EGFLAM: variants seen among roughly 807,000 people sequenced by gnomAD.
EGFLAM encodes the protein EGF like, fibronectin type III and laminin G domains.
In EGFLAM, 79 loss-of-function variants were observed where a neutral mutation model predicts 113.1. The ratio of observed to expected loss-of-function variants is 0.70; its 90% CI spans 0.58 to 0.84. EGFLAM has a LOEUF of 0.84. Ranked by LOEUF, EGFLAM falls within the 40% of genes least tolerant of loss-of-function variation. The probability of loss-of-function intolerance (pLI) is 0.00; values close to 1 mark genes in which losing one functional copy is unlikely to be tolerated. For missense variants in EGFLAM, 1,265 were observed against 1,291.6 expected (o/e 0.98, Z 0.32); for synonymous variants, 504 against 487.6 (o/e 1.03, Z -0.44).
chr5:38,406,923 C>T lies in EGFLAM; in HGVS notation c.924C>T (p.Leu308=). The T allele has an allele frequency of 6.2e-7, 1 of 1,614,198 alleles. No homozygotes were observed. Among genetic ancestry groups the T allele is most frequent in the Middle Eastern group, 1.6e-4 (1 of 6,062 alleles). The change falls in exon 8 of 22, where the codon CTC becomes CTT. Residue 308 remains leucine, a synonymous_variant. Coordinates refer to ENST00000322350, the MANE Select transcript of EGFLAM (RefSeq NM_152403.4). ...CTAACCCAAAGACCATTTCTAGGCT[C>T]ATCCCCCCTACCTCAGCATCTCTCC... is the stretch of plus-strand genomic sequence containing the variant. ...SISNPKTISR[L]IPPTSASLPV...
intron 14 of EGFLAM, 146 bp from the exon 15 acceptor site, chr5:38,431,031 T>TA (rs1467691216): frequency 2.9e-6 from 2 of 700,914 alleles, no homozygotes; most frequent in Admixed American, 5.2e-5. Context: ...GGGCAGATCT[T>TA]TACTAAGTTT....
chr5:38,330,294 G>A (rs1430572474), intron 1 of EGFLAM, among the ~76,000 whole-genome samples: 1 of 152,134 alleles, frequency 6.6e-6, no homozygotes, highest in Non-Finnish European at 1.5e-5. Flanking sequence ...TGAGGTGGAG[G>A]CCATTTTCCT....
chr5:38,371,739 C>T (rs182688614), intron 6 of EGFLAM, among the ~76,000 whole-genome samples: 40 of 152,298 alleles, frequency 2.6e-4, no homozygotes, highest in African/African-American at 7.9e-4. Flanking sequence ...GAAGCTTAAA[C>T]TTCCCAGACA....
chr5:38,412,193 G>A (rs1217023287), intron 10 of EGFLAM, among the ~76,000 whole-genome samples: 2 of 152,184 alleles, frequency 1.3e-5, no homozygotes, highest in South Asian at 2.1e-4. Context: ...TACAGATCCC[G>A]TCATGCAGGT....
intron 6 of EGFLAM, among the ~76,000 whole-genome samples, chr5:38,405,403 G>A (rs527332967): frequency 6.6e-6 from 1 of 151,736 alleles, no homozygotes; most frequent in Admixed American, 6.6e-5. Context: ...TGTTTTGTTT[G>A]CTGTTGTCTT....
At chr5:38,307,477 A>T (rs181737859) in intron 1 of EGFLAM, among the ~76,000 whole-genome samples, 3 of 152,322 alleles carry the variant, frequency 2.0e-5, no homozygotes, top group Admixed American at 2.0e-4. Context: ...GTGAAGAAGG[A>T]CATGTTTCCT....
At chr5:38,335,917 G>C (rs1299638895) in intron 1 of EGFLAM, among the ~76,000 whole-genome samples, 1 of 152,140 alleles carries the variant, frequency 6.6e-6, no homozygotes, top group African/African-American at 2.4e-5. Flanking sequence ...ATCTCACCAG[G>C]ACATATTAGT....
At chr5:38,359,450 A>T (rs907617084) in intron 5 of EGFLAM, among the ~76,000 whole-genome samples, 28 of 152,268 alleles carry the variant, frequency 1.8e-4, no homozygotes, top group African/African-American at 6.3e-4. Context: ...CCAAAGAGGC[A>T]GATAACTTGA....
intron 20 of EGFLAM, among the ~76,000 whole-genome samples, chr5:38,462,002 A>G (rs1172063190): frequency 3.3e-5 from 5 of 151,530 alleles, no homozygotes; most frequent in Non-Finnish European, 7.4e-5. Flanking sequence ...CGTCTCTACT[A>G]AAAAAAATAC....
At chr5:38,317,577 C>T (rs1176208814) in intron 1 of EGFLAM, among the ~76,000 whole-genome samples, 1 of 152,160 alleles carries the variant, frequency 6.6e-6, no homozygotes, top group Admixed American at 6.5e-5. Context: ...TATCCCAGAA[C>T]CATGAGTCTA....
intron 1 of EGFLAM, among the ~76,000 whole-genome samples, chr5:38,263,975 T>C (rs1188191858): frequency 6.6e-6 from 1 of 152,188 alleles, no homozygotes; most frequent in Non-Finnish European, 1.5e-5. Flanking sequence ...GACCTCCTCA[T>C]TCCTATGCAG....
chr5:38,263,375 T>G (rs1308816523), intron 1 of EGFLAM, among the ~76,000 whole-genome samples: 1 of 152,128 alleles, frequency 6.6e-6, no homozygotes, highest in Admixed American at 6.5e-5. Context: ...GGCACGAGAA[T>G]CACTTTACCC....
rs185449265 is a variant in EGFLAM at position 38,410,110 on chromosome 5, C to T, written c.1349+1006C>T. On this transcript the variant is annotated intron_variant, in intron 10 of 21. Coordinates refer to ENST00000322350, the MANE Select transcript of EGFLAM (RefSeq NM_152403.4). ...AGTTAATTCATAAAAGCGCTTAGAG[C>T]AGCGTCTGACCCAGAGCAAGTACTC... Among the ~76,000 whole-genome samples, 4 of 152,328 alleles carry T rather than the reference C, an allele frequency of 2.6e-5. No homozygotes were observed. In the East Asian group the frequency reaches 7.7e-4, roughly 29 times the overall value.
chr5:38,461,096 T>A (rs1743255934), intron 20 of EGFLAM: 1 of 152,200 alleles, frequency 6.6e-6, no homozygotes, highest in Admixed American at 6.5e-5. Context: ...TAGAGCAAGA[T>A]GTGTATCAGG....
At chr5:38,285,484 G>C (rs1395564112) in intron 1 of EGFLAM, among the ~76,000 whole-genome samples, 3 of 152,106 alleles carry the variant, frequency 2.0e-5, no homozygotes, top group Non-Finnish European at 4.4e-5. Flanking sequence ...GTGGGTGGGG[G>C]AGGTGATGCA....
intron 19 of EGFLAM, among the ~76,000 whole-genome samples, chr5:38,457,400 G>A (rs1474303068): frequency 2.6e-5 from 4 of 152,210 alleles, no homozygotes; most frequent in South Asian, 2.1e-4. Flanking sequence ...AGGGAGAATC[G>A]GCTCCATGCC....
Position 38,426,927 on chromosome 5 carries a change from G to A in EGFLAM, c.1811-82G>A. ...AATTGTAGTTTAGGTCTGTACCCAGGAGGGAAAGAACACAGCTATGGGTGC... is the reference window on the plus strand; with the variant it reads ...AATTGTAGTTTAGGTCTGTACCCAGAAGGGAAAGAACACAGCTATGGGTGC... On this transcript the variant is annotated intron_variant, in intron 13 of 21. Coordinates refer to ENST00000322350, the MANE Select transcript of EGFLAM (RefSeq NM_152403.4). 11 of 1,560,848 alleles carry A rather than the reference G, an allele frequency of 7.0e-6. No homozygotes were observed. In the South Asian group the frequency reaches 1.2e-4, roughly 17 times the overall value.
intron 15 of EGFLAM, among the ~76,000 whole-genome samples, chr5:38,433,149 G>A: frequency 6.6e-6 from 1 of 152,214 alleles, no homozygotes; most frequent in South Asian, 2.1e-4. Flanking sequence ...TCGAAGTGTG[G>A]CTGACAGGGC....
At chr5:38,390,962 G>A (rs1232762670) in intron 6 of EGFLAM, among the ~76,000 whole-genome samples, 2 of 151,988 alleles carry the variant, frequency 1.3e-5, no homozygotes, top group Non-Finnish European at 2.9e-5. Context: ...TTTCATTTCA[G>A]TTATGGTATC....
Sources: allele counts gnomAD v4.1 joint callset (sites outside exome capture counted in the v4.1 genomes callset), GRCh38; gene constraint gnomAD v4.1.1; transcripts MANE v1.5; gene names NCBI Gene and HGNC (gene_info 2026-07-23, HGNC 2026-07-21).